ARID1B: variants seen among roughly 807,000 people sequenced by gnomAD.
ARID1B encodes AT-rich interaction domain 1B.
A neutral mutation model predicts 212.3 loss-of-function variants in ARID1B; 30 were observed. That is an observed-to-expected ratio of 0.14 (90% CI 0.11 to 0.19). The LOEUF is 0.19. ARID1B is among the 10% of genes least tolerant of loss of function. The pLI, the probability that ARID1B is intolerant of heterozygous loss-of-function variation, is 1.00. For missense variants in ARID1B, 2,891 were observed against 3,204.0 expected (o/e 0.90, Z 2.36); for synonymous variants, 1,402 against 1,301.7 (o/e 1.08, Z -1.66).
At chr6:156,861,069 C>G (rs1050222097) in intron 2 of ARID1B, among the ~76,000 whole-genome samples, 1 of 152,088 alleles carries the variant, frequency 6.6e-6, no homozygotes, top group African/African-American at 2.4e-5. Flanking sequence ...GTTAGTAGAG[C>G]CGAGACGGAG....
intron 6 of ARID1B, among the ~76,000 whole-genome samples, chr6:157,122,963 TG>T (rs1787846312): frequency 1.3e-5 from 2 of 152,196 alleles, no homozygotes; most frequent in South Asian, 2.1e-4. Context: ...ATTACAGGCA[TG>T]AGCCACCGTG....
chr6:157,145,639 G>T (rs1312160451), intron 7 of ARID1B, among the ~76,000 whole-genome samples: 1 of 152,180 alleles, frequency 6.6e-6, no homozygotes, highest in Non-Finnish European at 1.5e-5. Context: ...AGCCGGTTTT[G>T]ACCATTAGGG....
chr6:156,982,698 T>A (rs991319903), intron 4 of ARID1B, among the ~76,000 whole-genome samples: 5 of 152,152 alleles, frequency 3.3e-5, no homozygotes, highest in African/African-American at 9.7e-5. Flanking sequence ...TTTCTCTTTA[T>A]ATTTTTTAAT....
intron 1 of ARID1B, chr6:156,780,386 A>G (rs989825466): frequency 2.0e-5 from 3 of 152,246 alleles, no homozygotes; most frequent in Non-Finnish European, 4.4e-5. Flanking sequence ...CCCGAGTCCT[A>G]CAGCGCTGTT....
intron 2 of ARID1B, among the ~76,000 whole-genome samples, chr6:156,847,409 A>G (rs1784305696): frequency 6.6e-6 from 1 of 152,178 alleles, no homozygotes; most frequent in Non-Finnish European, 1.5e-5. Context: ...GCTCAGGGGA[A>G]AGGGTCTCCC....
intron 4 of ARID1B, among the ~76,000 whole-genome samples, chr6:157,028,216 CACTT>C (rs1780783214): frequency 6.6e-6 from 1 of 152,150 alleles, no homozygotes; most frequent in African/African-American, 2.4e-5. Context: ...TATTAACTAC[CACTT>C]ACTTAGTGCT....
intron 2 of ARID1B, among the ~76,000 whole-genome samples, chr6:156,865,558 C>A (rs1404151624): frequency 6.6e-6 from 1 of 152,108 alleles, no homozygotes; most frequent in African/African-American, 2.4e-5. Flanking sequence ...TTCATTTCCC[C>A]ACGTACTCTG....
upstream of ARID1B, chr6:156,776,723 T>G (rs922513167): frequency 7.9e-5 from 12 of 152,242 alleles, no homozygotes; most frequent in African/African-American, 2.9e-4. Flanking sequence ...TTAAGGTGCC[T>G]TCAAAAAGAG....
intron 8 of ARID1B, among the ~76,000 whole-genome samples, chr6:157,156,168 C>T (rs1790562603): frequency 6.6e-6 from 1 of 152,120 alleles, no homozygotes; most frequent in Admixed American, 6.5e-5. Flanking sequence ...TGCTAAAGAG[C>T]AGGAAGTGAT....
chr6:156,953,564 T>C (rs1401017736), intron 4 of ARID1B, among the ~76,000 whole-genome samples: 1 of 152,232 alleles, frequency 6.6e-6, no homozygotes, highest in African/African-American at 2.4e-5. Flanking sequence ...TTTTACTCTC[T>C]CTGTCTCCTA....
chr6:156,826,448 G>A (rs746910399), intron 1 of ARID1B, among the ~76,000 whole-genome samples: 9 of 152,190 alleles, frequency 5.9e-5, no homozygotes, highest in Admixed American at 2.6e-4. Flanking sequence ...ATGGAGGCTC[G>A]TTCATCCTTC....
chr6:157,117,104 T>A (rs991368039), intron 6 of ARID1B, among the ~76,000 whole-genome samples: 2 of 152,288 alleles, frequency 1.3e-5, no homozygotes, highest in Admixed American at 1.3e-4. Flanking sequence ...TAGCTACATT[T>A]TTGCAAATAC....
At chr6:156,867,753 G>T (rs9397977) in intron 2 of ARID1B, among the ~76,000 whole-genome samples, 14,643 of 152,150 alleles carry the variant, frequency 0.096, 948 homozygotes, top group East Asian at 0.29. Context: ...CCTTAGAAGT[G>T]GTCCGACAGA....
chr6:157,136,444 C>G (rs2128595087), intron 7 of ARID1B, among the ~76,000 whole-genome samples: 1 of 152,294 alleles, frequency 6.6e-6, no homozygotes, highest in Non-Finnish European at 1.5e-5. Context: ...GGTGTTGCTT[C>G]CCACACCTGA....
At chr6:156,897,203 G>GCTT (rs1562468041) in intron 2 of ARID1B, among the ~76,000 whole-genome samples, 3 of 74,668 alleles carry the variant, frequency 4.0e-5, no homozygotes, top group African/African-American at 1.5e-4. Flanking sequence ...TGCTGCTGCT[G>GCTT]CTGCTGCTGC....
chr6:156,996,844 T>A (rs993134162), intron 4 of ARID1B, among the ~76,000 whole-genome samples: 1 of 152,264 alleles, frequency 6.6e-6, no homozygotes, highest in African/African-American at 2.4e-5. Context: ...ACTGATTGAA[T>A]GTTTTGTTTT....
At chr6:156,849,209 A>T (rs144502371) in intron 2 of ARID1B, among the ~76,000 whole-genome samples, 1 of 152,088 alleles carries the variant, frequency 6.6e-6, no homozygotes, top group Non-Finnish European at 1.5e-5. Flanking sequence ...TTCTGAAGGT[A>T]CTCACGTGTT....
intron 1 of ARID1B, 95 bp downstream of exon 1, chr6:156,779,566 T>G: frequency 3.7e-6 from 4 of 1,088,426 alleles, no homozygotes; most frequent in East Asian, 4.2e-5. Flanking sequence ...TTCCCCGTCT[T>G]CCCGCGGGGG....
chr6:156,905,159 C>CCTTT (rs543528657), intron 3 of ARID1B, among the ~76,000 whole-genome samples: 54 of 151,094 alleles, frequency 3.6e-4, no homozygotes, highest in African/African-American at 1.3e-3. Context: ...GGAGACTGGG[C>CCTTT]CTTTGTCTGT....
Sources: gnomAD v4.1 joint callset for allele counts (sites outside exome capture counted in the v4.1 genomes callset) on GRCh38, gnomAD v4.1.1 for gene constraint, MANE v1.5 for transcripts, NCBI Gene and HGNC (gene_info 2026-07-23, HGNC 2026-07-21) for gene names.